Variants in SMAD6 observed in about 807,000 individuals in gnomAD.
SMAD6 encodes MAD homolog 6.
A neutral mutation model predicts 39.4 loss-of-function variants in SMAD6; 103 were observed. The ratio of observed to expected loss-of-function variants is 2.62; its 90% CI spans 2.23 to 3.08. The LOEUF (loss-of-function observed/expected upper bound fraction) is 3.08. SMAD6 is among the 30% of genes most tolerant of loss of function. SMAD6 has a pLI of 0.00. For synonymous variants in SMAD6, 445 were observed against 353.3 expected (o/e 1.26, Z -2.91); for missense variants, 1,104 against 742.9 (o/e 1.49, Z -5.65).
intron 3 of SMAD6, among the ~76,000 whole-genome samples, chr15:66,755,896 C>G (rs1420151797): frequency 1.3e-5 from 2 of 152,162 alleles, no homozygotes; most frequent in African/African-American, 4.8e-5. Flanking sequence ...CTCCTCTTCT[C>G]TGGGCTGAGC....
chr15:66,763,453 T>G (rs1894237581), intron 3 of SMAD6, among the ~76,000 whole-genome samples: 1 of 152,190 alleles, frequency 6.6e-6, no homozygotes, highest in South Asian at 2.1e-4. Flanking sequence ...CCTCCCCGAC[T>G]TGGCAGGGCC....
In SMAD6 at chr15:66,703,930, G is replaced by A; in HGVS notation, c.672G>A (p.Leu224=). The stretch of plus-strand genomic sequence containing the variant: ...GCGGCCAGCCCGCGCCGCCGCAGCT[G>A]CTGCTCGGCCGCCTCTTTCGCTGGC... ...RLGGQPAPPQ[L]LLGRLFRWPD... The change falls in exon 1 of 4, where the codon CTG becomes CTA. Residue 224 remains leucine (L), a synonymous_variant. Transcript: ENST00000288840. The A allele has an allele frequency of 4.4e-6, 6 of 1,348,568 alleles. No individual in the cohort carries two copies. The South Asian group carries it at 1.1e-4, about 25-fold the overall frequency. The allele number at this position is 1,348,568 out of a possible 1,614,324, so 83.5% of individuals were successfully genotyped here. A position where few individuals can be genotyped will look rare whatever the true frequency, so the allele number is the denominator to read the frequency against.
rs960882724 is a variant in SMAD6 at position 66,781,998 on chromosome 15, A to T, written c.*463A>T. On this transcript the variant is annotated 3_prime_UTR_variant, in exon 4 of 4. Coordinates refer to ENST00000288840, the MANE Select transcript of SMAD6 (RefSeq NM_005585.5). ...AAGTATTCGCATTATAGTTTTTTTT[A>T]AACTGTCTTCTTTTTACAAAGAGGG... 11 of 398,772 alleles carry T rather than the reference A, an allele frequency of 2.8e-5. No individual in the cohort carries two copies. The highest frequency in any genetic ancestry group is 1.9e-4 in the African/African-American group (9 of 48,598). The allele number at this position is 398,772 out of a possible 1,614,324, so 24.7% of individuals were successfully genotyped here. A position where few individuals can be genotyped will look rare whatever the true frequency, so the allele number is the denominator to read the frequency against.
chr15:66,742,704 C>T (rs1412822675), intron 3 of SMAD6, among the ~76,000 whole-genome samples: 1 of 152,138 alleles, frequency 6.6e-6, no homozygotes, highest in Non-Finnish European at 1.5e-5. Flanking sequence ...AAGCTCATGG[C>T]TCTCAGGGTC....
intron 1 of SMAD6, among the ~76,000 whole-genome samples, chr15:66,709,332 TC>T (rs1424617692): frequency 6.6e-6 from 1 of 152,210 alleles, no homozygotes; most frequent in Non-Finnish European, 1.5e-5. Flanking sequence ...TCATAGATTT[TC>T]TTTCTATCTC....
intron 3 of SMAD6, among the ~76,000 whole-genome samples, chr15:66,744,385 G>A (rs1893871488): frequency 6.6e-6 from 1 of 152,176 alleles, no homozygotes; most frequent in South Asian, 2.1e-4. Context: ...GCTTCCATGT[G>A]CCTCAAGGGG....
intron 2 of SMAD6, among the ~76,000 whole-genome samples, chr15:66,714,120 A>G (rs1893282533): frequency 6.6e-6 from 1 of 152,172 alleles, no homozygotes; most frequent in Admixed American, 6.5e-5. Context: ...TTCTTAGTGA[A>G]AGTTCTTAGC....
At position 66,711,727 on chromosome 15, in the gene SMAD6, A is replaced by G; in HGVS notation, c.874+3A>G. ...TCGCGACGAGTACAAGCCACTGGGT[A>G]AGTGTGCCCTCCTTCCTACCCTTGC... On this transcript the variant is annotated splice_donor_region_variant and intron_variant, in intron 2 of 3. Coordinates refer to ENST00000288840, the MANE Select transcript of SMAD6 (RefSeq NM_005585.5). 1 of 1,611,590 alleles carries G rather than the reference A, an allele frequency of 6.2e-7. No individual in the cohort carries two copies. Among genetic ancestry groups the G allele is most frequent in the South Asian group, 1.1e-5 (1 of 91,038 alleles).
At chr15:66,753,833 G>A (rs372663449) in intron 3 of SMAD6, among the ~76,000 whole-genome samples, 60 of 152,278 alleles carry the variant, frequency 3.9e-4, no homozygotes, top group African/African-American at 1.2e-3. Flanking sequence ...AGGACTCCTC[G>A]GTCCTGGCTC....
chr15:66,719,428 C>T (rs972973767), intron 3 of SMAD6, among the ~76,000 whole-genome samples: 2 of 152,070 alleles, frequency 1.3e-5, no homozygotes, highest in South Asian at 2.1e-4. Context: ...TTGGGGACCA[C>T]CCAGAGATCA....
In SMAD6 at chr15:66,703,526, C is replaced by A; in HGVS notation, c.268C>A (p.Pro90Thr). Residue 90 changes from proline to threonine, a missense_variant, in exon 1 of 4, where the codon CCG (proline) becomes ACG (threonine). By Grantham distance (38) the Pro-to-Thr change is conservative. Coordinates refer to ENST00000288840, the MANE Select transcript of SMAD6 (RefSeq NM_005585.5). The part of the protein sequence containing the change: ...AGRRRRAGGP[P>T]RPMSEPGAGA... ...GAGGCGCCGGCGCGCAGGGGGCCCC[C>A]CGAGGCCCATGTCGGAGCCAGGGGC... The A allele has an allele frequency of 8.2e-7, 1 of 1,222,318 alleles. No individual in the cohort carries two copies. Among genetic ancestry groups the A allele is most frequent in the Admixed American group, 4.4e-5 (1 of 22,954 alleles). 75.7% of individuals were successfully genotyped at this position (1,222,318 alleles called of 1,614,324 possible).
chr15:66,712,613 C>T (rs1362246468), intron 2 of SMAD6, among the ~76,000 whole-genome samples: 3 of 150,748 alleles, frequency 2.0e-5, no homozygotes, highest in African/African-American at 7.3e-5. Flanking sequence ...ATTGCTTGAA[C>T]CTGGGAGGTT....
At chr15:66,750,478 G>T (rs1393505012) in intron 3 of SMAD6, among the ~76,000 whole-genome samples, 1 of 152,270 alleles carries the variant, frequency 6.6e-6, no homozygotes. Context: ...CTGGTGTGGG[G>T]TACAAAGCAG....
At chr15:66,742,826 T>C (rs1893838815) in intron 3 of SMAD6, among the ~76,000 whole-genome samples, 1 of 152,164 alleles carries the variant, frequency 6.6e-6, no homozygotes, top group South Asian at 2.1e-4. Context: ...GACTGCCCGC[T>C]GCGCTCCCTG....
intron 1 of SMAD6, 41 bp downstream of exon 1, chr15:66,704,116 TC>T: frequency 7.5e-7 from 1 of 1,339,194 alleles, no homozygotes; most frequent in East Asian, 3.1e-5. Context: ...CGGGTCCCCG[TC>T]CCCATCCCCT....
intron 3 of SMAD6, among the ~76,000 whole-genome samples, chr15:66,763,045 C>T (rs915036452): frequency 2.6e-5 from 4 of 151,796 alleles, no homozygotes; most frequent in African/African-American, 9.7e-5. Flanking sequence ...TGGGTACAGT[C>T]AGGGTCTTGC....
chr15:66,731,511 A>G (rs1017495048), intron 3 of SMAD6, among the ~76,000 whole-genome samples: 1 of 151,980 alleles, frequency 6.6e-6, no homozygotes, highest in Non-Finnish European at 1.5e-5. Flanking sequence ...GCTGGCATTC[A>G]GCCATCTGAT....
At chr15:66,777,595 G>A (rs1894488803) in intron 3 of SMAD6, among the ~76,000 whole-genome samples, 1 of 152,196 alleles carries the variant, frequency 6.6e-6, no homozygotes, top group Non-Finnish European at 1.5e-5. Flanking sequence ...GCAGCCCTGG[G>A]ATAGATGGAG....
intron 3 of SMAD6, among the ~76,000 whole-genome samples, chr15:66,752,341 C>T (rs1894021875): frequency 1.3e-5 from 2 of 152,198 alleles, no homozygotes; most frequent in Admixed American, 6.5e-5. Context: ...GATTCAGGTT[C>T]AAGGCCAGGT....
Sources: allele counts gnomAD v4.1 joint callset (sites outside exome capture counted in the v4.1 genomes callset), GRCh38; gene constraint gnomAD v4.1.1; transcripts MANE v1.5; gene names NCBI Gene and HGNC (gene_info 2026-07-23, HGNC 2026-07-21).